The following RBM27 variants were observed in gnomAD, a reference collection of about 807,000 sequenced individuals.
The protein encoded by RBM27 is RNA binding motif protein 27.
In RBM27, 22 loss-of-function variants were observed where a neutral mutation model predicts 135.3. The observed-to-expected ratio is 0.16, with a 90% CI of 0.12 to 0.23. RBM27 has a LOEUF of 0.23. RBM27 is among the 10% of genes least tolerant of loss of function. The pLI, the probability that RBM27 is intolerant of heterozygous loss-of-function variation, is 1.00. For synonymous variants in RBM27, 481 were observed against 442.4 expected, an observed-to-expected ratio of 1.09 and a Z score of -1.10; for missense variants, 1,009 against 1,281.0, an observed-to-expected ratio of 0.79 and a Z score of 3.24.
In RBM27 at chr5:146,230,881, A is replaced by G; in HGVS notation, c.814A>G (p.Asn272Asp). ...NHSSSNSFGR[N>D]LPPKRRCRDY... Reference sequence around the variant, plus strand: ...TAGCTCTTCCAATTCTTTTGGTCGAAACCTACCACCAAAGAGGCGATGCAG... The same window carrying G: ...TAGCTCTTCCAATTCTTTTGGTCGAGACCTACCACCAAAGAGGCGATGCAG... The change falls in exon 6 of 21, where the codon AAC (asparagine) becomes GAC (aspartate). Residue 272 changes from asparagine to aspartate, a missense_variant. Coordinates refer to ENST00000265271, the MANE Select transcript of RBM27 (RefSeq NM_018989.2). 3 of 1,614,214 alleles carry G rather than the reference A, an allele frequency of 1.9e-6. No homozygotes were observed. The highest frequency in any genetic ancestry group is 2.5e-6 in the Non-Finnish European group (3 of 1,180,034).
chr5:146,240,758 C>T (rs982162521), intron 8 of RBM27, among the ~76,000 whole-genome samples: 13 of 152,104 alleles, frequency 8.5e-5, no homozygotes, highest in African/African-American at 3.1e-4. Context: ...TTCTACAGAA[C>T]GGAAATCACA....
At chr5:146,268,624 C>T (rs1162665567) in intron 15 of RBM27, among the ~76,000 whole-genome samples, 4 of 152,142 alleles carry the variant, frequency 2.6e-5, no homozygotes, top group Non-Finnish European at 5.9e-5. Context: ...CACTCTGTCA[C>T]TCACGTTGAG....
chr5:146,205,890 G>A (rs925534753), intron 1 of RBM27, among the ~76,000 whole-genome samples: 3 of 152,024 alleles, frequency 2.0e-5, no homozygotes, highest in Non-Finnish European at 4.4e-5. Context: ...GTGGTGGGGC[G>A]TGCTTGTAGT....
chr5:146,253,596 A>C (rs956473236), intron 9 of RBM27, among the ~76,000 whole-genome samples: 2 of 152,128 alleles, frequency 1.3e-5, no homozygotes, highest in African/African-American at 4.8e-5. Context: ...GAAGAGAAGG[A>C]ATGCCAACCA....
chr5:146,213,441 C>A (rs1317821988), intron 1 of RBM27, among the ~76,000 whole-genome samples: 2 of 151,898 alleles, frequency 1.3e-5, no homozygotes, highest in Non-Finnish European at 2.9e-5. Context: ...ACATTGAGAT[C>A]AGGAGATTTT....
intron 2 of RBM27, among the ~76,000 whole-genome samples, chr5:146,220,303 C>T (rs1221046038): frequency 1.3e-5 from 2 of 151,850 alleles, no homozygotes; most frequent in Non-Finnish European, 2.9e-5. Flanking sequence ...CGGTGAAACC[C>T]CATCTCTACT....
chr5:146,211,190 G>C (rs571898030), intron 1 of RBM27, among the ~76,000 whole-genome samples: 140 of 152,076 alleles, frequency 9.2e-4, no homozygotes, highest in Non-Finnish European at 1.6e-3. Flanking sequence ...TGAGGTGGGA[G>C]GATCACTTGA....
In RBM27 at chr5:146,258,471, T is replaced by C. The variant is rs538083185; in HGVS notation, c.1617T>C (p.Thr539=). 4.9e-5 allele frequency: 77 copies of C among 1,586,250 alleles called. No individual in the cohort carries two copies. In the East Asian group the frequency reaches 1.6e-3, roughly 34 times the overall value. The change falls in exon 11 of 21, where the codon ACT becomes ACC. Residue 539 remains threonine, a synonymous_variant. Coordinates refer to ENST00000265271, the MANE Select transcript of RBM27 (RefSeq NM_018989.2). ...NPRAANIVIQ[T]EPPVPVSINS... is the part of the protein sequence containing the mutation. Reference sequence around the variant, plus strand: ...CAGCTGCTAACATTGTGATCCAGACTGAACCACCAGTTCCTGTTTCGATTA... The same window carrying C: ...CAGCTGCTAACATTGTGATCCAGACCGAACCACCAGTTCCTGTTTCGATTA...
At chr5:146,268,241 A>G (rs978217442) in intron 15 of RBM27, among the ~76,000 whole-genome samples, 1 of 141,180 alleles carries the variant, frequency 7.1e-6, no homozygotes, top group African/African-American at 2.5e-5. Context: ...CTTATTTCTT[A>G]TTTCTTTTTT....
chr5:146,229,857 G>A lies in RBM27; in HGVS notation c.536G>A (p.Ser179Asn). 3 of 1,614,018 alleles carry A rather than the reference G, an allele frequency of 1.9e-6. No individual in the cohort carries two copies. The highest frequency in any genetic ancestry group is 2.5e-6 in the Non-Finnish European group (3 of 1,179,934). Residue 179 changes from serine to asparagine, a missense_variant, in exon 5 of 21, where the codon AGT becomes AAT. By Grantham distance (46) the Ser-to-Asn change is conservative. Around this residue, in one of 6 missense-constraint regions of RBM27, gnomAD observed 268 missense variants for 326.6 expected, o/e 0.82. Transcript: ENST00000265271. ...AGTAAGAGTCGAGGCCTGAGTCGCAGTAGAAGCCGAAGTAGGGGGCGCAGC... is the reference window on the plus strand; with the variant it reads ...AGTAAGAGTCGAGGCCTGAGTCGCAATAGAAGCCGAAGTAGGGGGCGCAGC... The part of the protein sequence containing the change: ...SRSKSRGLSR[S>N]RSRSRGRSKD...
intron 8 of RBM27, among the ~76,000 whole-genome samples, chr5:146,249,852 C>T (rs959428239): frequency 4.0e-5 from 6 of 151,798 alleles, no homozygotes; most frequent in Admixed American, 3.9e-4. Context: ...AGGTTTTTTA[C>T]GTAGGTAAAT....
At chr5:146,203,902 C>T (rs1287040737) in intron 1 of RBM27, 78 bp downstream of exon 1, 7 of 197,016 alleles carry the variant, frequency 3.6e-5, no homozygotes, top group Admixed American at 3.0e-4. Context: ...GGGGAGGTGG[C>T]GTGGGGGGCG....
intron 15 of RBM27, among the ~76,000 whole-genome samples, chr5:146,268,482 TC>T (rs1050475289): frequency 5.3e-5 from 8 of 152,192 alleles, no homozygotes; most frequent in African/African-American, 1.9e-4. Flanking sequence ...CCTCAGGTGA[TC>T]CACCTGCCTC....
chr5:146,254,887 G>A, intron 9 of RBM27, 56 bp from the exon 10 acceptor site: 2 of 1,381,618 alleles, frequency 1.4e-6, no homozygotes, highest in Non-Finnish European at 2.0e-6. Context: ...AACAATGAGA[G>A]ATGGTTTAAC....
intron 15 of RBM27, 137 bp downstream of exon 15, chr5:146,267,905 A>C (rs1758687126): frequency 4.2e-6 from 4 of 941,996 alleles, no homozygotes; most frequent in Non-Finnish European, 6.2e-6. Flanking sequence ...TCTCTAATGT[A>C]AACTTGGAAA....
At chr5:146,206,802 C>G (rs1755699139) in intron 1 of RBM27, among the ~76,000 whole-genome samples, 1 of 151,788 alleles carries the variant, frequency 6.6e-6, no homozygotes. Flanking sequence ...AGGTTGGTCT[C>G]CAGTTCTTGA....
At chr5:146,210,813 G>C (rs1387728052) in intron 1 of RBM27, among the ~76,000 whole-genome samples, 2 of 152,232 alleles carry the variant, frequency 1.3e-5, no homozygotes, top group East Asian at 3.9e-4. Context: ...CGGGCGTGGT[G>C]GCGGGCGCCT....
At chr5:146,284,876 G>T in intron 20 of RBM27, 144 bp downstream of exon 20, 1 of 541,066 alleles carries the variant, frequency 1.8e-6, no homozygotes, top group South Asian at 2.9e-5. Flanking sequence ...GTTTATTAGA[G>T]AATTAAAACA....
intron 1 of RBM27, among the ~76,000 whole-genome samples, chr5:146,214,763 T>C (rs1376914931): frequency 6.6e-6 from 1 of 152,226 alleles, no homozygotes; most frequent in East Asian, 1.9e-4. Context: ...TGTTAGGAGC[T>C]GTTAAATGTA....
Sources: allele counts gnomAD v4.1 joint callset (sites outside exome capture counted in the v4.1 genomes callset), GRCh38; gene constraint gnomAD v4.1.1; regional missense constraint gnomAD v4.1.1; transcripts MANE v1.5; gene names NCBI Gene and HGNC (gene_info 2026-07-23, HGNC 2026-07-21).